HPR: variants seen among roughly 807,000 people sequenced by gnomAD.
The protein encoded by HPR is Haptoglobin-related locus.
In HPR, 17 loss-of-function variants were observed where a neutral mutation model predicts 18.5. The ratio of observed to expected loss-of-function variants is 0.92; its 90% CI spans 0.63 to 1.38. HPR has a LOEUF of 1.38. Among genes scored for constraint, HPR ranks in the 40% most tolerant of loss-of-function variants. HPR has a pLI of 0.00. For missense variants in HPR, 457 were observed against 432.4 expected, an observed-to-expected ratio of 1.06 and a Z score of -0.51; for synonymous variants, 176 against 165.0, an observed-to-expected ratio of 1.07 and a Z score of -0.51.
chr16:72,067,653 A>G (rs2041612251), intron 1 of HPR, among the ~76,000 whole-genome samples: 1 of 152,206 alleles, frequency 6.6e-6, no homozygotes, highest in Non-Finnish European at 1.5e-5. Flanking sequence ...ACTGGGAAGT[A>G]GTGAGGAGGA....
intron 1 of HPR, among the ~76,000 whole-genome samples, chr16:72,064,858 C>T (rs533527001): frequency 3.6e-4 from 55 of 152,298 alleles, no homozygotes; most frequent in African/African-American, 1.3e-3. Context: ...ACACATCCCA[C>T]TGCCTTGTTG....
rs2144073842 is a variant in HPR at position 72,073,980 on chromosome 16, C to T, written c.91+3C>T. ...CAATGATGTCACGGATATTTCAGGT[C>T]AGTCTTTGAGTTGGGTAGGAGCATG... On this transcript the variant is annotated splice_donor_region_variant and intron_variant, in intron 2 of 4. Coordinates refer to ENST00000540303, the MANE Select transcript of HPR (RefSeq NM_020995.4). 1 of 1,614,000 alleles carries T rather than the reference C, an allele frequency of 6.2e-7. No homozygotes were observed. The highest frequency in any genetic ancestry group is 8.5e-7 in the Non-Finnish European group (1 of 1,180,002).
At chr16:72,074,493 G>A (rs1393163677) in intron 3 of HPR, 108 bp downstream of exon 3, 1 of 975,842 alleles carries the variant, frequency 1.0e-6, no homozygotes, top group South Asian at 1.3e-5. Flanking sequence ...GCTCTCCTTG[G>A]AGCCAGGAGA....
rs768269282 is a variant in HPR at position 72,074,295 on chromosome 16, C to G, written c.103C>G (p.Pro35Ala). ...DVTDISDDRFPKPPEIANGYV... is the reference protein window; with the variant it reads ...DVTDISDDRFAKPPEIANGYV... ...CTCTCTCTTTGCAGATGACCGCTTC[C>G]CGAAGCCCCCTGAGATTGCAAATGG... Residue 35 changes from proline (P) to alanine (A), a missense_variant, in exon 3 of 5, where the codon CCG (proline) becomes GCG (alanine). By Grantham distance (27) the Pro-to-Ala change is conservative. Coordinates refer to ENST00000540303, the MANE Select transcript of HPR (RefSeq NM_020995.4). The G allele has an allele frequency of 1.1e-5, 18 of 1,613,854 alleles. No homozygotes were observed. Among genetic ancestry groups the G allele is most frequent in the Non-Finnish European group, 1.5e-5 (18 of 1,179,822 alleles).
intron 3 of HPR, chr16:72,074,720 G>T: frequency 4.3e-6 from 3 of 705,224 alleles, no homozygotes; most frequent in Non-Finnish European, 7.8e-6. Context: ...TGCTGTCCTG[G>T]CACTGCTCTA....
chr16:72,072,915 T>C (rs1429123374), intron 1 of HPR, among the ~76,000 whole-genome samples: 4 of 152,224 alleles, frequency 2.6e-5, no homozygotes, highest in Admixed American at 2.6e-4. Context: ...TTAAGTTTCC[T>C]TGTTCTTTGC....
rs1049933 is a variant in HPR, at chr16:72,076,501, C to A, written c.467C>A (p.Ala156Glu). The change falls in exon 5 of 5, where the codon GCG becomes GAG. Residue 156 changes from alanine (A) to glutamate (E), a missense_variant. Physicochemically the swap from Ala to Glu is moderately radical, Grantham distance 107. Coordinates refer to ENST00000540303, the MANE Select transcript of HPR (RefSeq NM_020995.4). Reference sequence around the variant, plus strand: ...CTGAACCATTCAGAAAATGCAACAGCGAAAGACATTGCCCCTACTTTAACA... The same window carrying A: ...CTGAACCATTCAGAAAATGCAACAGAGAAAGACATTGCCCCTACTTTAACA... ...LFLNHSENAT[A>E]KDIAPTLTLY... is the part of the protein sequence containing the mutation. The A allele has an allele frequency of 2.5e-6, 4 of 1,613,702 alleles. No individual in the cohort carries two copies. The East Asian group carries it at 8.9e-5, about 36-fold the overall frequency.
chr16:72,071,708 C>T (rs2041657433), intron 1 of HPR, among the ~76,000 whole-genome samples: 1 of 152,190 alleles, frequency 6.6e-6, no homozygotes, highest in African/African-American at 2.4e-5. Flanking sequence ...TTGTGGTGGA[C>T]CATTACTGGA....
Position 72,073,930 on chromosome 16 carries a change from G to A in HPR, c.44G>A (p.Arg15Gln), listed in dbSNP as rs774349423. ...GTCATTTCCCTCCTGCTCTGGGGAC[G>A]ACAGCTTTTTGCACTGTACTCAGGC... ...GAVISLLLWG[R>Q]QLFALYSGND... The change falls in exon 2 of 5, where the codon CGA (arginine) becomes CAA (glutamine). Residue 15 changes from arginine (R) to glutamine (Q), a missense_variant. Transcript: ENST00000540303. 16 of 1,613,850 alleles carry A rather than the reference G, an allele frequency of 9.9e-6. No homozygotes were observed. Among genetic ancestry groups the A allele is most frequent in the African/African-American group, 1.3e-5 (1 of 74,886 alleles).
chr16:72,074,287 A>T lies in HPR; in HGVS notation c.95A>T (p.Asp32Val), dbSNP rs1469025867. Reference protein sequence around the residue: ...SGNDVTDISDDRFPKPPEIAN... With the variant: ...SGNDVTDISDVRFPKPPEIAN... ...TCTGGCTTCTCTCTCTTTGCAGATG[A>T]CCGCTTCCCGAAGCCCCCTGAGATT... The change falls in exon 3 of 5, where the codon GAC becomes GTC. Residue 32 changes from aspartate to valine, a missense_variant. Physicochemically the swap from Asp to Val is radical, Grantham distance 152. Transcript: ENST00000540303. 3 of 1,613,532 alleles carry T rather than the reference A, an allele frequency of 1.9e-6. No individual in the cohort carries two copies. The Admixed American group carries it at 5.0e-5, about 27-fold the overall frequency.
chr16:72,076,688 G>C lies in HPR; in HGVS notation c.654G>C (p.Gly218=), dbSNP rs2041731007. 2 of 1,614,160 alleles carry C rather than the reference G, an allele frequency of 1.2e-6. No individual in the cohort carries two copies. The highest frequency in any genetic ancestry group is 1.7e-6 in the Non-Finnish European group (2 of 1,180,032). ...CTTCAAAGAATTATGCAGAAGTAGG[G>C]CGTGTGGGTTACGTGTCTGGCTGGG... ...CLPSKNYAEV[G]RVGYVSGWGQ... Residue 218 remains glycine, a synonymous_variant, in exon 5 of 5, where the codon GGG becomes GGC. Transcript: ENST00000540303.
chr16:72,069,526 T>C (rs1453348310), intron 1 of HPR, among the ~76,000 whole-genome samples: 1 of 152,092 alleles, frequency 6.6e-6, no homozygotes, highest in Non-Finnish European at 1.5e-5. Context: ...AAGACCAGAA[T>C]GAAAACGGCT....
chr16:72,069,879 C>T (rs1331023136), intron 1 of HPR, among the ~76,000 whole-genome samples: 11 of 152,070 alleles, frequency 7.2e-5, no homozygotes, highest in Non-Finnish European at 1.5e-4. Flanking sequence ...AGAGACTATC[C>T]CACACTCAAA....
intron 2 of HPR, 85 bp from the exon 3 acceptor site, chr16:72,074,199 G>C: frequency 1.5e-6 from 2 of 1,318,946 alleles, no homozygotes; most frequent in Non-Finnish European, 1.1e-6. Flanking sequence ...TTGATGTGCA[G>C]AGCAGCTTCC....
rs2041688964 is a variant in HPR, at chr16:72,074,065, AACAC to A, written c.91+92_91+95del. Reference sequence around the variant, plus strand: ...CTCGGGTCTGCATTCTTTCTTTGAGAACACACAGTTCCCCATTCTTATCCTGACC... The same window carrying A: ...CTCGGGTCTGCATTCTTTCTTTGAGAACAGTTCCCCATTCTTATCCTGACC... On this transcript the variant is annotated intron_variant, in intron 2 of 4. Coordinates refer to ENST00000540303, the MANE Select transcript of HPR (RefSeq NM_020995.4). 2.6e-6 allele frequency: 4 copies of A among 1,544,682 alleles called. No homozygotes were observed. In the South Asian group the frequency reaches 4.5e-5, roughly 17 times the overall value.
intron 1 of HPR, among the ~76,000 whole-genome samples, chr16:72,064,384 G>T (rs2041575475): frequency 6.6e-6 from 1 of 151,906 alleles, no homozygotes. Context: ...CCCTACCCTG[G>T]TAAACAACCT....
intron 1 of HPR, among the ~76,000 whole-genome samples, chr16:72,068,167 A>C (rs1318331090): frequency 6.6e-6 from 1 of 152,206 alleles, no homozygotes; most frequent in Non-Finnish European, 1.5e-5. Flanking sequence ...TCTGGTGAGG[A>C]TATAGAGAAA....
intron 1 of HPR, among the ~76,000 whole-genome samples, chr16:72,065,788 G>C (rs996045290): frequency 1.3e-5 from 2 of 152,098 alleles, no homozygotes; most frequent in African/African-American, 4.8e-5. Context: ...GACAACTAGG[G>C]AAGAATCCGA....
At chr16:72,065,095 G>T (rs558944165) in intron 1 of HPR, among the ~76,000 whole-genome samples, 13 of 152,292 alleles carry the variant, frequency 8.5e-5, no homozygotes, top group African/African-American at 3.1e-4. Context: ...GCTGTGTGGA[G>T]TGAATGAGTC....
Sources: gnomAD v4.1 joint callset for allele counts (sites outside exome capture counted in the v4.1 genomes callset) on GRCh38, gnomAD v4.1.1 for gene constraint, MANE v1.5 for transcripts, NCBI Gene and HGNC (gene_info 2026-07-23, HGNC 2026-07-21) for gene names.